The following RBFOX1 variants were observed in gnomAD, a reference collection of about 807,000 sequenced individuals.
The protein encoded by RBFOX1 is RNA binding protein fox-1 homolog 1.
A neutral mutation model predicts 57.7 loss-of-function variants in RBFOX1; 8 were observed. That is an observed-to-expected ratio of 0.14 (90% CI 0.08 to 0.25). RBFOX1 has a LOEUF of 0.25. Ranked by LOEUF, RBFOX1 falls within the 10% of genes least tolerant of loss-of-function variation. RBFOX1 has a pLI of 1.00. For synonymous variants in RBFOX1, 326 were observed against 222.4 expected (o/e 1.47, Z -4.15); for missense variants, 611 against 548.5 (o/e 1.11, Z -1.14).
intron 1 of RBFOX1, among the ~76,000 whole-genome samples, chr16:5,357,059 TC>T (rs1445302373): frequency 6.6e-6 from 1 of 152,174 alleles, no homozygotes; most frequent in Non-Finnish European, 1.5e-5. Context: ...ATGACACAGT[TC>T]GACAGCAGTA....
chr16:5,585,664 G>A lies in RBFOX1; in HGVS notation c.259-13238G>A, dbSNP rs534274414. 3.3e-5 allele frequency among the ~76,000 whole-genome samples: 5 copies of A among 152,298 alleles called. No individual in the cohort carries two copies. In the South Asian group the frequency reaches 1.0e-3, roughly 32 times the overall value. ...CTTATAGATACCCTACCACGTTATG[G>A]GGTGACCCTGACTTCCCCAAAGCCA... On this transcript the variant is annotated intron_variant, in intron 2 of 2. Coordinates refer to the RBFOX1 transcript ENST00000585867.
chr16:6,450,877 C>G (rs1442711569), intron 2 of RBFOX1, among the ~76,000 whole-genome samples: 2 of 71,398 alleles, frequency 2.8e-5, no homozygotes, highest in African/African-American at 5.2e-5. Context: ...ATATATATCT[C>G]CTCTGAAATA....
chr16:6,007,371 C>A (rs1287701742), intron 4 of RBFOX1, among the ~76,000 whole-genome samples: 1 of 152,160 alleles, frequency 6.6e-6, no homozygotes, highest in East Asian at 1.9e-4. Flanking sequence ...TGAGGGTGAC[C>A]AGTAGCCTGA....
chr16:5,365,082 G>A (rs534242846), intron 1 of RBFOX1, among the ~76,000 whole-genome samples: 1 of 152,184 alleles, frequency 6.6e-6, no homozygotes, highest in African/African-American at 2.4e-5. Flanking sequence ...GAGATGAAGG[G>A]TCTTTTAATG....
intron 2 of RBFOX1, among the ~76,000 whole-genome samples, chr16:6,443,076 T>C (rs1054258753): frequency 1.3e-5 from 2 of 152,322 alleles, no homozygotes; most frequent in Admixed American, 1.3e-4. Context: ...TTTATTAGAA[T>C]GGAACTTGGA....
At chr16:7,488,934 C>A (rs540870107) in intron 4 of RBFOX1, among the ~76,000 whole-genome samples, 9 of 152,306 alleles carry the variant, frequency 5.9e-5, no homozygotes, top group African/African-American at 2.2e-4. Flanking sequence ...AGTCTGTATA[C>A]TTCACATGTC....
chr16:5,505,293 C>T (rs369763815), intron 2 of RBFOX1, among the ~76,000 whole-genome samples: 2 of 152,194 alleles, frequency 1.3e-5, no homozygotes, highest in Non-Finnish European at 2.9e-5. Flanking sequence ...CTGTAGGTGG[C>T]AGAAACCATT....
At chr16:7,048,423 C>T (rs1458019696) in intron 3 of RBFOX1, among the ~76,000 whole-genome samples, 1 of 151,964 alleles carries the variant, frequency 6.6e-6, no homozygotes, top group East Asian at 1.9e-4. Context: ...CCACACCCAG[C>T]TAATTTTTTG....
intron 4 of RBFOX1, among the ~76,000 whole-genome samples, chr16:5,986,242 T>G (rs563026736): frequency 6.6e-6 from 1 of 152,224 alleles, no homozygotes; most frequent in East Asian, 1.9e-4. Context: ...TTTTGTATTG[T>G]TAGTAGAGAT....
chr16:6,349,836 C>T (rs10521042), intron 2 of RBFOX1, among the ~76,000 whole-genome samples: 15,847 of 152,038 alleles, frequency 0.1, 961 homozygotes, highest in Middle Eastern at 0.18. Flanking sequence ...AATAAGATAT[C>T]CAACTCCAAG....
rs117387202 is a variant in RBFOX1 at position 6,674,738 on chromosome 16, C to T, written c.-16+20088C>T. On this transcript the variant is annotated intron_variant, in intron 3 of 15. Transcript: ENST00000550418. ...AGATGCACATACAAGCCAAGGAGCA[C>T]GAGGGGTGCTGGCCACCAGCAGAAG... Among the ~76,000 whole-genome samples the T allele has an allele frequency of 1.6e-3, 244 of 152,168 alleles. No homozygotes were observed. In the East Asian group the frequency reaches 0.027, roughly 17 times the overall value.
chr16:5,711,159 G>A (rs927458603), intron 3 of RBFOX1, among the ~76,000 whole-genome samples: 4 of 152,196 alleles, frequency 2.6e-5, no homozygotes, highest in Non-Finnish European at 4.4e-5. Flanking sequence ...TTAATTTGAT[G>A]TAGTAAACAC....
At chr16:6,063,642 A>G (rs1013898722) in intron 1 of RBFOX1, among the ~76,000 whole-genome samples, 2 of 152,008 alleles carry the variant, frequency 1.3e-5, no homozygotes, top group East Asian at 1.9e-4. Flanking sequence ...CAAGCTTACC[A>G]TTTATTTTAT....
At position 6,625,543 on chromosome 16, in the gene RBFOX1, CTCTG is replaced by C. The variant is rs1264840674; in HGVS notation, c.-63-29054_-63-29051del. Among the ~76,000 whole-genome samples the C allele has an allele frequency of 4.6e-5, 7 of 152,144 alleles. 1 individual carries two copies. The highest frequency in any genetic ancestry group is 4.1e-4 in the South Asian group (2 of 4,830). On this transcript the variant is annotated intron_variant, in intron 2 of 15. Transcript: ENST00000550418. The stretch of plus-strand genomic sequence containing the variant: ...TTCGTTAAAACTTTAAGAAAGCCCT[CTCTG>C]TCTGTTATTTTTCTCTCTGCCTACT...
chr16:5,775,233 C>G (rs1597202891), intron 3 of RBFOX1, among the ~76,000 whole-genome samples: 1 of 152,300 alleles, frequency 6.6e-6, no homozygotes. Context: ...TATCTCCTTA[C>G]TCAACCACCA....
At chr16:7,141,734 C>T (rs1458583170) in intron 4 of RBFOX1, among the ~76,000 whole-genome samples, 1 of 152,032 alleles carries the variant, frequency 6.6e-6, no homozygotes, top group East Asian at 1.9e-4. Flanking sequence ...TCATCCTATC[C>T]ACCAGTAAGT....
chr16:5,903,175 C>G (rs938718568), intron 4 of RBFOX1, among the ~76,000 whole-genome samples: 1 of 152,064 alleles, frequency 6.6e-6, no homozygotes, highest in African/African-American at 2.4e-5. Flanking sequence ...ATGTTCTGCA[C>G]TGGAAAATGT....
chr16:6,971,560 T>A (rs777997607), intron 3 of RBFOX1, among the ~76,000 whole-genome samples: 20 of 152,000 alleles, frequency 1.3e-4, no homozygotes, highest in Non-Finnish European at 2.8e-4. Flanking sequence ...AAGAAATGTG[T>A]TCCCAGTTTA....
At chr16:5,430,575 A>G (rs2067700906) in intron 1 of RBFOX1, among the ~76,000 whole-genome samples, 1 of 152,114 alleles carries the variant, frequency 6.6e-6, no homozygotes, top group African/African-American at 2.4e-5. Flanking sequence ...CAGGATTTAA[A>G]CGCTAAGCCC....
Sources: gnomAD v4.1 joint callset for allele counts (sites outside exome capture counted in the v4.1 genomes callset) on GRCh38, gnomAD v4.1.1 for gene constraint, MANE v1.5 for transcripts, NCBI Gene and HGNC (gene_info 2026-07-23, HGNC 2026-07-21) for gene names.